Variants in VPS13B observed in about 807,000 individuals in gnomAD.
VPS13B encodes vacuolar protein sorting 13 homolog B.
Under a neutral mutation model 426.4 loss-of-function variants are expected in VPS13B, and 285 were observed. The ratio of observed to expected loss-of-function variants is 0.67; its 90% confidence interval spans 0.61 to 0.74. The LOEUF (loss-of-function observed/expected upper bound fraction) is 0.74. Ranked by LOEUF, VPS13B falls within the 30% of genes least tolerant of loss-of-function variation. The probability of loss-of-function intolerance (pLI) is 0.00; values close to 1 mark genes in which losing one functional copy is unlikely to be tolerated. For synonymous variants in VPS13B, 1,676 were observed against 1,676.4 expected (o/e 1.00, Z 0.01); for missense variants, 4,537 against 4,782.6 (o/e 0.95, Z 1.51).
intron 19 of VPS13B, among the ~76,000 whole-genome samples, chr8:99,311,656 G>A (rs947004262): frequency 1.3e-5 from 2 of 152,176 alleles, no homozygotes; most frequent in Admixed American, 6.5e-5. Context: ...GTTGATTTGG[G>A]GTAGAGAGTT....
chr8:99,603,634 A>G (rs1264333277), intron 33 of VPS13B, among the ~76,000 whole-genome samples: 2 of 152,246 alleles, frequency 1.3e-5, no homozygotes, highest in Non-Finnish European at 2.9e-5. Context: ...TTCACGACCC[A>G]GGCTGGATGG....
At chr8:99,382,619 G>C (rs1255706444) in intron 19 of VPS13B, among the ~76,000 whole-genome samples, 2 of 152,112 alleles carry the variant, frequency 1.3e-5, no homozygotes, top group Non-Finnish European at 2.9e-5. Context: ...CTCTCAACTT[G>C]ACAGTTGTTA....
At chr8:99,557,154 T>C (rs77813805) in intron 31 of VPS13B, among the ~76,000 whole-genome samples, 3 of 152,102 alleles carry the variant, frequency 2.0e-5, no homozygotes, top group Non-Finnish European at 2.9e-5. Flanking sequence ...TTTTTTTATT[T>C]CAATAGTTTT....
At chr8:99,836,716 A>G (rs905344373) in intron 54 of VPS13B, among the ~76,000 whole-genome samples, 3 of 152,246 alleles carry the variant, frequency 2.0e-5, no homozygotes, top group Non-Finnish European at 4.4e-5. Flanking sequence ...TGTAATGGTT[A>G]CAAACCATAT....
chr8:99,719,726 C>T (rs1396697681), intron 37 of VPS13B, among the ~76,000 whole-genome samples: 1 of 152,096 alleles, frequency 6.6e-6, no homozygotes, highest in Non-Finnish European at 1.5e-5. Flanking sequence ...AAAACTTAAT[C>T]TCCATTAGAG....
intron 44 of VPS13B, among the ~76,000 whole-genome samples, chr8:99,816,617 G>A (rs1814056701): frequency 6.6e-6 from 1 of 151,928 alleles, no homozygotes; most frequent in Admixed American, 6.6e-5. Flanking sequence ...ACCAGCCTAG[G>A]CAACACTGAA....
intron 59 of VPS13B, among the ~76,000 whole-genome samples, chr8:99,870,450 A>G (rs1218624206): frequency 6.6e-6 from 1 of 152,218 alleles, no homozygotes; most frequent in East Asian, 1.9e-4. Context: ...GAGCCACCAC[A>G]CCAGACCTAT....
At chr8:99,301,350 A>G (rs1011260217) in intron 19 of VPS13B, among the ~76,000 whole-genome samples, 7 of 148,310 alleles carry the variant, frequency 4.7e-5, no homozygotes, top group African/African-American at 1.8e-4. Flanking sequence ...CTACAGTTTA[A>G]TGGCGCAATC....
intron 13 of VPS13B, among the ~76,000 whole-genome samples, chr8:99,146,736 C>CTAAT (rs1810747607): frequency 6.6e-6 from 1 of 152,016 alleles, no homozygotes; most frequent in Admixed American, 6.5e-5. Flanking sequence ...CCAAGCCCAG[C>CTAAT]TAATCTTTGT....
At chr8:99,633,586 T>A (rs897322327) in intron 33 of VPS13B, among the ~76,000 whole-genome samples, 1 of 152,042 alleles carries the variant, frequency 6.6e-6, no homozygotes, top group African/African-American at 2.4e-5. Flanking sequence ...TGCAGCTGAT[T>A]TAATCCTATT....
intron 15 of VPS13B, among the ~76,000 whole-genome samples, chr8:99,159,536 T>TGCA (rs1360172257): frequency 2.0e-5 from 3 of 152,228 alleles, no homozygotes; most frequent in Admixed American, 1.3e-4. Context: ...TAGAAATTGC[T>TGCA]GCAGCTAGCC....
intron 19 of VPS13B, among the ~76,000 whole-genome samples, chr8:99,288,387 A>G (rs1819554984): frequency 6.6e-6 from 1 of 151,986 alleles, no homozygotes; most frequent in African/African-American, 2.4e-5. Context: ...TTTCTTCTCC[A>G]GAATTACTTA....
intron 39 of VPS13B, among the ~76,000 whole-genome samples, chr8:99,731,877 T>C (rs1199156814): frequency 2.6e-5 from 4 of 151,986 alleles, no homozygotes; most frequent in Non-Finnish European, 2.9e-5. Flanking sequence ...TGTGAGGTGC[T>C]TTACACACAT....
At position 99,875,792 on chromosome 8, in the gene VPS13B, C is replaced by CCA; in HGVS notation, c.*129_*130dup. 1 of 1,264,782 alleles carries CCA rather than the reference C, an allele frequency of 7.9e-7. No individual in the cohort carries two copies. Among genetic ancestry groups the CCA allele is most frequent in the South Asian group, 1.3e-5 (1 of 79,206 alleles). The allele number at this position is 1,264,782 out of a possible 1,614,324, so 78.3% of individuals were successfully genotyped here. On this transcript the variant is annotated 3_prime_UTR_variant, in exon 62 of 62. Coordinates refer to ENST00000357162, the MANE Select transcript of VPS13B (RefSeq NM_152564.5). ...GTTCAAGCAATCCTCCCACCTCAAC[C>CCA]CACAAGTAGCTACGACTGCAAGCAC...
chr8:99,341,772 C>A (rs1049613877), intron 19 of VPS13B: 10 of 384,484 alleles, frequency 2.6e-5, no homozygotes, highest in African/African-American at 1.9e-4. Flanking sequence ...CTGGGTCAAA[C>A]CCCCAGGCGT....
At chr8:99,698,703 G>A (rs1228141238) in intron 35 of VPS13B, among the ~76,000 whole-genome samples, 1 of 152,190 alleles carries the variant, frequency 6.6e-6, no homozygotes, top group Non-Finnish European at 1.5e-5. Context: ...AAGACACATT[G>A]TGCTAAGCAC....
At chr8:99,219,220 C>T (rs1352950482) in intron 17 of VPS13B, among the ~76,000 whole-genome samples, 1 of 152,128 alleles carries the variant, frequency 6.6e-6, no homozygotes, top group Admixed American at 6.6e-5. Context: ...AAATAATTGC[C>T]AGAATTATGA....
rs976614136 is a variant in VPS13B at position 99,224,608 on chromosome 8, C to T, written c.2515+31551C>T. Among the ~76,000 whole-genome samples, 3 of 152,134 alleles carry T rather than the reference C, an allele frequency of 2.0e-5. No individual in the cohort carries two copies. The East Asian group carries it at 5.8e-4, about 29-fold the overall frequency. Reference sequence around the variant, plus strand: ...AGATGTATTGAGTGGTTTCTTTTTACTCACTTTTAAATTAAAGCATAGGAC... The same window carrying T: ...AGATGTATTGAGTGGTTTCTTTTTATTCACTTTTAAATTAAAGCATAGGAC... On this transcript the variant is annotated intron_variant, in intron 17 of 61. Coordinates refer to ENST00000357162, the MANE Select transcript of VPS13B (RefSeq NM_152564.5).
intron 33 of VPS13B, among the ~76,000 whole-genome samples, chr8:99,621,207 C>T (rs1828334973): frequency 6.6e-6 from 1 of 152,086 alleles, no homozygotes; most frequent in Non-Finnish European, 1.5e-5. Context: ...ACTTAGACTC[C>T]ACCTTTTGCC....
Sources: allele counts gnomAD v4.1 joint callset (sites outside exome capture counted in the v4.1 genomes callset), GRCh38; gene constraint gnomAD v4.1.1; transcripts MANE v1.5; gene names NCBI Gene and HGNC (gene_info 2026-07-23, HGNC 2026-07-21).